WASHC2C: variants seen among roughly 807,000 people sequenced by gnomAD.
WASHC2C encodes Vaccinia Penetration Factor.
WASHC2C carries 73 observed loss-of-function variants against 142.2 expected under a neutral mutation model. The observed-to-expected ratio is 0.51, with a 90% CI of 0.43 to 0.62. WASHC2C has a LOEUF of 0.62. Ranked by LOEUF, WASHC2C falls within the 20% of genes least tolerant of loss-of-function variation. The pLI is 0.00. For synonymous variants in WASHC2C, 337 were observed against 565.5 expected, an observed-to-expected ratio of 0.60 and a Z score of 5.73; for missense variants, 969 against 1,531.7, an observed-to-expected ratio of 0.63 and a Z score of 6.13.
chr10:45,749,277 A>C (rs576622315), intron 8 of WASHC2C, among the ~76,000 whole-genome samples: 81 of 151,798 alleles, frequency 5.3e-4, no homozygotes, highest in African/African-American at 1.9e-3. Context: ...TCTACCAAAA[A>C]TATAAAAATT....
intron 19 of WASHC2C, among the ~76,000 whole-genome samples, chr10:45,766,164 A>G (rs1554882300): frequency 6.6e-6 from 1 of 151,168 alleles, no homozygotes; most frequent in African/African-American, 2.5e-5. Context: ...TTTACGTAAG[A>G]TAAGTTTTAC....
chr10:45,767,601 GC>G (rs2056030985), intron 19 of WASHC2C, among the ~76,000 whole-genome samples: 1 of 149,818 alleles, frequency 6.7e-6, no homozygotes, highest in Non-Finnish European at 1.5e-5. Flanking sequence ...AAAGCTTGGA[GC>G]AAAAAGACAT....
At chr10:45,769,945 TAA>T (rs1214492162) in intron 20 of WASHC2C, among the ~76,000 whole-genome samples, 1 of 151,616 alleles carries the variant, frequency 6.6e-6, no homozygotes, top group East Asian at 1.9e-4. Flanking sequence ...CAGGATTACT[TAA>T]AAGTTACTTT....
At chr10:45,780,459 C>G (rs1367541722) in intron 23 of WASHC2C, among the ~76,000 whole-genome samples, 15 of 152,098 alleles carry the variant, frequency 9.9e-5, no homozygotes, top group Admixed American at 8.5e-4. Flanking sequence ...ACAACAATGT[C>G]CACTCTTGGT....
chr10:45,759,032 C>T (rs1252306172), intron 16 of WASHC2C, among the ~76,000 whole-genome samples: 38 of 147,236 alleles, frequency 2.6e-4, no homozygotes, highest in African/African-American at 2.2e-4. Flanking sequence ...CTGTCAGGCC[C>T]GTCAGGCAGC....
chr10:45,771,526 A>T (rs1309874270), intron 20 of WASHC2C: 3 of 983,320 alleles, frequency 3.1e-6, no homozygotes, highest in Admixed American at 6.2e-5. Flanking sequence ...ATGAGTGTCC[A>T]CTACCCCCAC....
intron 19 of WASHC2C, among the ~76,000 whole-genome samples, chr10:45,766,860 C>T (rs1266828309): frequency 2.0e-5 from 3 of 151,688 alleles, no homozygotes; most frequent in Non-Finnish European, 4.4e-5. Context: ...TTTTTTTTAA[C>T]ATTGTAGGCA....
At chr10:45,743,143 CT>C (rs1382892191) in intron 5 of WASHC2C, among the ~76,000 whole-genome samples, 1 of 151,730 alleles carries the variant, frequency 6.6e-6, no homozygotes, top group African/African-American at 2.4e-5. Flanking sequence ...TCCCAAAGTG[CT>C]AGGATTACAG....
At chr10:45,745,619 TA>T (rs1373807369) in intron 7 of WASHC2C, among the ~76,000 whole-genome samples, 12 of 151,344 alleles carry the variant, frequency 7.9e-5, no homozygotes, top group Admixed American at 1.3e-4. Flanking sequence ...GAGCTTTTCT[TA>T]AGTAACTTTC....
At chr10:45,781,274 G>T (rs879986360) in intron 23 of WASHC2C, among the ~76,000 whole-genome samples, 5,178 of 151,714 alleles carry the variant, frequency 0.034, no homozygotes, top group African/African-American at 0.12. Context: ...CTTAATATTG[G>T]TAAGGTGGCA....
At chr10:45,730,010 A>G (rs1253279598) in intron 3 of WASHC2C, among the ~76,000 whole-genome samples, 3 of 148,192 alleles carry the variant, frequency 2.0e-5, no homozygotes, top group African/African-American at 5.0e-5. Flanking sequence ...TTTGCCAGTT[A>G]TTTCCTTTAA....
At chr10:45,790,036 G>A (rs1206679103) in intron 29 of WASHC2C, among the ~76,000 whole-genome samples, 1 of 152,248 alleles carries the variant, frequency 6.6e-6, no homozygotes, top group Non-Finnish European at 1.5e-5. Context: ...CAGGGCAATG[G>A]ATAATTAAGA....
chr10:45,784,295 T>TAC (rs2057845412), intron 23 of WASHC2C, among the ~76,000 whole-genome samples: 3 of 44,466 alleles, frequency 6.7e-5, no homozygotes, highest in African/African-American at 2.3e-4. Context: ...TATATACACA[T>TAC]ATATATATAT....
intron 15 of WASHC2C, 98 bp downstream of exon 15, chr10:45,755,213 C>T: frequency 6.7e-7 from 1 of 1,499,674 alleles, no homozygotes; most frequent in Admixed American, 2.0e-5. Context: ...CTTACAGTGC[C>T]AGAATCCCTT....
rs1267867248 is a variant in WASHC2C, at chr10:45,757,147, G to A, written c.1548+8G>A. ...GCAAGAGCAGAAAAAAAGGTGAGCAGGAGGGAAGACTTAACGCAGGAGCAT... is the reference window on the plus strand; with the variant it reads ...GCAAGAGCAGAAAAAAAGGTGAGCAAGAGGGAAGACTTAACGCAGGAGCAT... On this transcript the variant is annotated splice_region_variant and intron_variant, in intron 16 of 30. Transcript: ENST00000623400. 3 of 1,610,020 alleles carry A rather than the reference G, an allele frequency of 1.9e-6. No individual in the cohort carries two copies. Among genetic ancestry groups the A allele is most frequent in the Admixed American group, 1.7e-5 (1 of 59,466 alleles).
intron 19 of WASHC2C, among the ~76,000 whole-genome samples, chr10:45,768,335 G>A (rs1250515050): frequency 1.3e-5 from 2 of 151,572 alleles, no homozygotes; most frequent in African/African-American, 4.8e-5. Flanking sequence ...GTACAGCCTC[G>A]TCATTGGAGT....
At chr10:45,748,753 G>GA (rs1237349912) in intron 8 of WASHC2C, among the ~76,000 whole-genome samples, 2 of 151,624 alleles carry the variant, frequency 1.3e-5, no homozygotes, top group African/African-American at 2.4e-5. Flanking sequence ...TTCAAACATT[G>GA]AAAAAAAATT....
At chr10:45,752,453 A>T in intron 11 of WASHC2C, 135 bp from the exon 12 acceptor site, 1 of 733,372 alleles carries the variant, frequency 1.4e-6, no homozygotes, top group Non-Finnish European at 2.4e-6. Flanking sequence ...AATTCATCAG[A>T]CTGCCTCACA....
At chr10:45,761,643 G>C (rs2573393) in intron 17 of WASHC2C, among the ~76,000 whole-genome samples, 31 of 152,126 alleles carry the variant, frequency 2.0e-4, no homozygotes, top group African/African-American at 2.2e-4. Context: ...CTCTATATCT[G>C]AAGTGTGAGG....
Sources: gnomAD v4.1 joint callset for allele counts (sites outside exome capture counted in the v4.1 genomes callset) on GRCh38, gnomAD v4.1.1 for gene constraint, MANE v1.5 for transcripts, NCBI Gene and HGNC (gene_info 2026-07-23, HGNC 2026-07-21) for gene names.